NEBL: variants seen among roughly 807,000 people sequenced by gnomAD.
NEBL encodes the protein nebulette, also known as LIM and SH3 protein 2.
A neutral mutation model predicts 140.2 loss-of-function variants in NEBL; 122 were observed. The ratio of observed to expected loss-of-function variants is 0.87; its 90% CI spans 0.75 to 1.01. The LOEUF is 1.01. NEBL is among the 50% of genes least tolerant of loss of function. The probability of loss-of-function intolerance (pLI) is 0.00; values close to 1 mark genes in which losing one functional copy is unlikely to be tolerated. For missense variants in NEBL, 1,365 were observed against 1,231.3 expected (o/e 1.11, Z -1.62); for synonymous variants, 436 against 398.9 (o/e 1.09, Z -1.11).
At chr10:20,856,052 C>T (rs12777530) in intron 9 of NEBL, among the ~76,000 whole-genome samples, 18,031 of 152,154 alleles carry the variant, frequency 0.12, 1,396 homozygotes, top group East Asian at 0.22. Flanking sequence ...CAGCTTTATA[C>T]AATGTACACA....
chr10:20,833,248 T>C (rs1840585704), intron 14 of NEBL, among the ~76,000 whole-genome samples: 1 of 152,182 alleles, frequency 6.6e-6, no homozygotes, highest in Non-Finnish European at 1.5e-5. Flanking sequence ...TGAGTCACAT[T>C]TGCTGATGTC....
chr10:21,080,918 A>G (rs549975605), intron 2 of NEBL, among the ~76,000 whole-genome samples: 6 of 152,114 alleles, frequency 3.9e-5, no homozygotes, highest in Non-Finnish European at 8.8e-5. Flanking sequence ...TGATGGCACA[A>G]TCTCAGCTCA....
intron 2 of NEBL, among the ~76,000 whole-genome samples, chr10:21,090,138 C>T (rs1054030853): frequency 2.6e-5 from 4 of 152,162 alleles, no homozygotes; most frequent in East Asian, 1.9e-4. Context: ...AAGTCCTGTC[C>T]GGTTAGGCCA....
intron 1 of NEBL, among the ~76,000 whole-genome samples, chr10:21,278,255 C>G (rs1842948549): frequency 6.6e-6 from 1 of 152,080 alleles, no homozygotes; most frequent in Admixed American, 6.5e-5. Flanking sequence ...AGCCTGGCCA[C>G]ACAGCAAGAC....
intron 9 of NEBL, among the ~76,000 whole-genome samples, chr10:20,856,446 T>C (rs970620450): frequency 2.6e-5 from 4 of 152,168 alleles, no homozygotes; most frequent in African/African-American, 9.7e-5. Context: ...CCTAGGAAAT[T>C]GAATTTAAGT....
intron 3 of NEBL, among the ~76,000 whole-genome samples, chr10:21,212,254 A>G: frequency 6.6e-6 from 1 of 152,198 alleles, no homozygotes; most frequent in Admixed American, 6.5e-5. Flanking sequence ...TATAATATAC[A>G]TATATAACAA....
chr10:21,146,512 A>G, intron 2 of NEBL: 1 of 1,605,518 alleles, frequency 6.2e-7, no homozygotes, highest in East Asian at 2.2e-5. Flanking sequence ...TAGCCATCCT[A>G]CTCCTGCATT....
intron 1 of NEBL, among the ~76,000 whole-genome samples, chr10:21,264,254 A>G (rs113622384): frequency 1.1e-4 from 16 of 152,048 alleles, no homozygotes; most frequent in Non-Finnish European, 7.4e-5. Context: ...CTGGAAAGGC[A>G]CAGCACTGAT....
intron 4 of NEBL, among the ~76,000 whole-genome samples, chr10:20,884,643 G>A (rs1231345682): frequency 6.6e-6 from 1 of 152,182 alleles, no homozygotes; most frequent in Non-Finnish European, 1.5e-5. Context: ...TATTTTATAT[G>A]ACACAGGTAA....
intron 7 of NEBL, among the ~76,000 whole-genome samples, chr10:20,861,841 A>T (rs1843727407): frequency 6.6e-6 from 1 of 152,192 alleles, no homozygotes; most frequent in Non-Finnish European, 1.5e-5. Context: ...CCCCTTCCTC[A>T]ACTTATGATG....
At chr10:20,912,588 T>G (rs1564439652) in intron 4 of NEBL, among the ~76,000 whole-genome samples, 1 of 152,184 alleles carries the variant, frequency 6.6e-6, no homozygotes, top group African/African-American at 2.4e-5. Context: ...GAATCCAGTA[T>G]AAGTCTTTAT....
intron 1 of NEBL, among the ~76,000 whole-genome samples, chr10:21,271,922 T>G (rs544660694): frequency 6.6e-6 from 1 of 152,066 alleles, no homozygotes; most frequent in Non-Finnish European, 1.5e-5. Context: ...ATAGTGCATA[T>G]ACATATATCA....
Position 20,859,759 on chromosome 10 carries a change from CT to C in NEBL, c.751del (p.Ser251ValfsTer17). ...DKKHHYNPLE[S>X]ASFRQNQLAA... Reference sequence around the variant, plus strand: ...AAGCTGATTCTGCCTAAAAGAAGCACTTTCAAGAGGATTGTAATGATGTTTC... The same window carrying C: ...AAGCTGATTCTGCCTAAAAGAAGCACTTCAAGAGGATTGTAATGATGTTTC... On this transcript the variant is annotated frameshift_variant, in exon 8 of 28. Coordinates refer to ENST00000377122, the MANE Select transcript of NEBL (RefSeq NM_006393.3). LOFTEE classifies it high-confidence loss of function. 6.9e-6 allele frequency: 11 copies of C among 1,605,190 alleles called. No homozygotes were observed. The highest frequency in any genetic ancestry group is 8.5e-6 in the Non-Finnish European group (10 of 1,172,832).
Position 21,134,123 on chromosome 10 carries a change from G to A in NEBL, c.164+38260C>T, listed in dbSNP as rs141617717. 5.8e-4 allele frequency among the ~76,000 whole-genome samples: 88 copies of A among 152,148 alleles called. 7 individuals carry two copies. The East Asian group carries it at 0.017, about 29-fold the overall frequency. On this transcript the variant is annotated intron_variant, in intron 2 of 6. Transcript: ENST00000417816. ...TGCCTGTAGTCCCAGCTACTCAGGA[G>A]GCTGAGGCAGGAGAATCACTTGAAC...
chr10:21,027,328 T>G (rs1337355925), intron 2 of NEBL, among the ~76,000 whole-genome samples: 4 of 49,262 alleles, frequency 8.1e-5, no homozygotes, highest in South Asian at 2.2e-3. Flanking sequence ...CTTTTTTTGT[T>G]TTTTTTTTTT....
chr10:21,253,943 G>A (rs1435571885), intron 1 of NEBL, among the ~76,000 whole-genome samples: 1 of 152,102 alleles, frequency 6.6e-6, no homozygotes, highest in Non-Finnish European at 1.5e-5. Context: ...TTTAAATGAA[G>A]AAACTTTGCA....
intron 3 of NEBL, among the ~76,000 whole-genome samples, chr10:21,241,339 G>C (rs370001640): frequency 4.6e-5 from 7 of 151,588 alleles, no homozygotes; most frequent in African/African-American, 1.7e-4. Context: ...AGGCCACCAG[G>C]GGGCCGCCTG....
chr10:20,801,784 A>G (rs1837147999), intron 26 of NEBL, among the ~76,000 whole-genome samples: 1 of 152,148 alleles, frequency 6.6e-6, no homozygotes, highest in South Asian at 2.1e-4. Flanking sequence ...TGAGAGTTCC[A>G]GAATGTACTG....
At chr10:21,272,051 A>G (rs1842866334) in intron 1 of NEBL, among the ~76,000 whole-genome samples, 1 of 149,438 alleles carries the variant, frequency 6.7e-6, no homozygotes, top group Admixed American at 6.7e-5. Flanking sequence ...TCCGCCTCCC[A>G]GGTTCACACC....
Sources: gnomAD v4.1 joint callset for allele counts (sites outside exome capture counted in the v4.1 genomes callset) on GRCh38, gnomAD v4.1.1 for gene constraint, MANE v1.5 for transcripts, NCBI Gene and HGNC (gene_info 2026-07-23, HGNC 2026-07-21) for gene names.